CCDC62: variants seen among roughly 807,000 people sequenced by gnomAD.
The protein encoded by CCDC62 is coiled-coil domain-containing protein 62.
Under a neutral mutation model 80.8 loss-of-function variants are expected in CCDC62, and 72 were observed. The ratio of observed to expected loss-of-function variants is 0.89; its 90% CI spans 0.74 to 1.08. The LOEUF (loss-of-function observed/expected upper bound fraction) is 1.08, where lower values mean the gene tolerates loss of function less well. CCDC62 is among the 50% of genes least tolerant of loss of function. The pLI is 0.00. For synonymous variants in CCDC62, 286 were observed against 296.5 expected, an observed-to-expected ratio of 0.96 and a Z score of 0.36; for missense variants, 704 against 809.4, an observed-to-expected ratio of 0.87 and a Z score of 1.58.
At chr12:122,823,204 G>T (rs1162716910) in intron 11 of CCDC62, among the ~76,000 whole-genome samples, 162 bp from the exon 12 acceptor site, 1 of 152,132 alleles carries the variant, frequency 6.6e-6, no homozygotes, top group Non-Finnish European at 1.5e-5. Context: ...CAAGTGATCC[G>T]CCCACCCTGG....
intron 3 of CCDC62, among the ~76,000 whole-genome samples, chr12:122,784,529 GATAATA>G (rs770660604): frequency 6.6e-6 from 1 of 150,820 alleles, no homozygotes; most frequent in Non-Finnish European, 1.5e-5. Flanking sequence ...CAAAAATAAT[GATAATA>G]ATAATAATAA....
intron 11 of CCDC62, among the ~76,000 whole-genome samples, chr12:122,822,757 G>A (rs536770259): frequency 6.6e-6 from 1 of 151,606 alleles, no homozygotes; most frequent in Non-Finnish European, 1.5e-5. Flanking sequence ...CTTCTTTCAC[G>A]CAGTCTAATG....
intron 8 of CCDC62, 49 bp from the exon 9 acceptor site, chr12:122,801,075 G>A (rs1410055625): frequency 1.3e-6 from 2 of 1,532,634 alleles, no homozygotes; most frequent in African/African-American, 1.4e-5. Context: ...TAGAATGATA[G>A]CATCAAGTAT....
Position 122,792,133 on chromosome 12 carries a change from G to A in CCDC62, c.772+12G>A. On this transcript the variant is annotated intron_variant, in intron 6 of 12. Coordinates refer to ENST00000253079, the MANE Select transcript of CCDC62 (RefSeq NM_201435.5). ...ATTGCTTTTTACTGGTAAAACAGAT[G>A]ATCGAATGTATTTGTAACCTAGACT... 6.6e-7 allele frequency: 1 copy of A among 1,509,820 alleles called. No homozygotes were observed. Among genetic ancestry groups the A allele is most frequent in the South Asian group, 1.1e-5 (1 of 88,934 alleles). The allele number at this position is 1,509,820 out of a possible 1,614,324, so 93.5% of individuals were successfully genotyped here.
At position 122,801,747 on chromosome 12, in the gene CCDC62, G is replaced by A; in HGVS notation, c.1601G>A (p.Trp534Ter). 2 of 1,614,170 alleles carry A rather than the reference G, an allele frequency of 1.2e-6. No homozygotes were observed. Among genetic ancestry groups the A allele is most frequent in the African/African-American group, 1.3e-5 (1 of 75,040 alleles). Residue 534 changes from tryptophan to a stop codon, truncating the protein, a stop_gained, in exon 9 of 13, where the codon TGG becomes TAG. Coordinates refer to ENST00000253079, the MANE Select transcript of CCDC62 (RefSeq NM_201435.5). LOFTEE classifies it high-confidence loss of function. ...EAPGHMSDVE[W>*]MSIFKPSKMQ... is the part of the protein sequence containing the mutation. ...CCAGGCCACATGTCTGACGTGGAGT[G>A]GATGAGTATTTTCAAGCCTTCCAAA...
In CCDC62 at chr12:122,778,836, G is replaced by A. The variant is rs541112005; in HGVS notation, c.229+1153G>A. On this transcript the variant is annotated intron_variant, in intron 2 of 12. Coordinates refer to ENST00000253079, the MANE Select transcript of CCDC62 (RefSeq NM_201435.5). ...GGAGGTTGCAGTGAGCCAAGATTGCGCCACTGCACTCCATCCTGGGCGACA... is the reference window on the plus strand; with the variant it reads ...GGAGGTTGCAGTGAGCCAAGATTGCACCACTGCACTCCATCCTGGGCGACA... Among the ~76,000 whole-genome samples the A allele has an allele frequency of 6.4e-3, 972 of 152,186 alleles. 8 individuals are homozygous for A. The highest frequency in any genetic ancestry group is 9.5e-3 in the Non-Finnish European group (646 of 68,014).
At chr12:122,795,573 G>A (rs557239571) in intron 6 of CCDC62, among the ~76,000 whole-genome samples, 42 of 152,120 alleles carry the variant, frequency 2.8e-4, no homozygotes, top group South Asian at 8.3e-4. Context: ...ACAGGCGCCC[G>A]CCACCATGCC....
At chr12:122,815,472 G>A (rs1295447106) in intron 11 of CCDC62, among the ~76,000 whole-genome samples, 1 of 151,232 alleles carries the variant, frequency 6.6e-6, no homozygotes, top group African/African-American at 2.4e-5. Context: ...TTGAGACGGA[G>A]TCTCGCTCTG....
chr12:122,803,056 T>G (rs994322966), intron 9 of CCDC62, among the ~76,000 whole-genome samples: 1 of 151,962 alleles, frequency 6.6e-6, no homozygotes, highest in African/African-American at 2.4e-5. Context: ...GCTCTTTTTT[T>G]AAAAATTGAG....
Position 122,778,276 on chromosome 12 carries a change from C to T in CCDC62, c.229+593C>T, listed in dbSNP as rs1448423952. ...GGCAGAGGCACGAGAATCGCTTGAA[C>T]CCAGGAGGCGGAGGTTGCAGTGAGC... On this transcript the variant is annotated intron_variant, in intron 2 of 12. Transcript: ENST00000253079. Among the ~76,000 whole-genome samples the T allele has an allele frequency of 7.9e-5, 12 of 151,630 alleles. No individual in the cohort carries two copies. The East Asian group carries it at 2.3e-3, about 29-fold the overall frequency.
rs2032641458 is a variant in CCDC62 at position 122,826,562 on chromosome 12, C to T, written c.*181C>T. On this transcript the variant is annotated 3_prime_UTR_variant, in exon 13 of 13. Coordinates refer to ENST00000253079, the MANE Select transcript of CCDC62 (RefSeq NM_201435.5). ...CAGAACTAGAAAGTTAATTTTTAAA[C>T]ATCTACACTTCATTTTCAAGTTAAC... The T allele has an allele frequency of 4.5e-6, 3 of 664,550 alleles. No individual in the cohort carries two copies. The highest frequency in any genetic ancestry group is 1.8e-5 in the African/African-American group (1 of 54,684). 41.2% of individuals were successfully genotyped at this position (664,550 alleles called of 1,614,324 possible). A position where few individuals can be genotyped will look rare whatever the true frequency, so the allele number is the denominator to read the frequency against.
At chr12:122,815,177 C>G (rs2032110841) in intron 11 of CCDC62, among the ~76,000 whole-genome samples, 1 of 152,180 alleles carries the variant, frequency 6.6e-6, no homozygotes, top group Non-Finnish European at 1.5e-5. Flanking sequence ...CTCCCAGGCT[C>G]AAGTGATCTT....
chr12:122,813,929 T>G (rs1474173547), intron 11 of CCDC62, among the ~76,000 whole-genome samples: 3 of 151,740 alleles, frequency 2.0e-5, no homozygotes, highest in Non-Finnish European at 4.4e-5. Flanking sequence ...AGTGCTAGGA[T>G]TACAGGCGTG....
intron 3 of CCDC62, among the ~76,000 whole-genome samples, chr12:122,782,945 A>G (rs1344411237): frequency 6.6e-6 from 1 of 151,314 alleles, no homozygotes; most frequent in East Asian, 2.1e-4. Context: ...CGTCTCTACT[A>G]AAAATTCAAA....
chr12:122,805,782 T>TC (rs1156949290), intron 9 of CCDC62, among the ~76,000 whole-genome samples: 1 of 152,032 alleles, frequency 6.6e-6, no homozygotes, highest in East Asian at 1.9e-4. Flanking sequence ...AGTGCTGGGA[T>TC]TACAGGTGTG....
chr12:122,807,643 C>G (rs2031681130), intron 10 of CCDC62, among the ~76,000 whole-genome samples: 2 of 151,888 alleles, frequency 1.3e-5, no homozygotes, highest in African/African-American at 2.4e-5. Flanking sequence ...AGGCACTGTA[C>G]CTGGCCAGAC....
In CCDC62 at chr12:122,787,402, G is replaced by A. The variant is rs184134879; in HGVS notation, c.499-1356G>A. On this transcript the variant is annotated intron_variant, in intron 4 of 12. Coordinates refer to ENST00000253079, the MANE Select transcript of CCDC62 (RefSeq NM_201435.5). ...GGAGGTGGAGGTTGCAGTGAGCTGAGATTGCACCACTGCACTCCAGCTTGG... is the reference window on the plus strand; with the variant it reads ...GGAGGTGGAGGTTGCAGTGAGCTGAAATTGCACCACTGCACTCCAGCTTGG... 4.7e-3 allele frequency among the ~76,000 whole-genome samples: 711 copies of A among 150,196 alleles called. 6 individuals are homozygous for A. The highest frequency in any genetic ancestry group is 7.5e-3 in the Non-Finnish European group (506 of 67,772).
chr12:122,817,737 A>T (rs548240147), intron 11 of CCDC62, among the ~76,000 whole-genome samples: 5 of 152,256 alleles, frequency 3.3e-5, no homozygotes, highest in African/African-American at 1.2e-4. Context: ...AATTCCTGAG[A>T]TATAATCAAT....
chr12:122,774,592 G>A lies in CCDC62; in HGVS notation c.-79G>A, dbSNP rs1033396585. 36 of 1,122,178 alleles carry A rather than the reference G, an allele frequency of 3.2e-5. No homozygotes were observed. In the East Asian group the frequency reaches 1.1e-3, roughly 34 times the overall value. The allele number at this position is 1,122,178 out of a possible 1,614,324, so 69.5% of individuals were successfully genotyped here. ...CCGGGGCTCCGGGCTCGCCCCCGCC[G>A]CTCGGGGCAGGCGCGCCGATGGCGT... On this transcript the variant is annotated 5_prime_UTR_variant, in exon 1 of 13. Coordinates refer to ENST00000253079, the MANE Select transcript of CCDC62 (RefSeq NM_201435.5).
Sources: gnomAD v4.1 joint callset for allele counts (sites outside exome capture counted in the v4.1 genomes callset) on GRCh38, gnomAD v4.1.1 for gene constraint, MANE v1.5 for transcripts, NCBI Gene and HGNC (gene_info 2026-07-23, HGNC 2026-07-21) for gene names.